Variants in PTPRO observed in about 807,000 individuals in gnomAD.
PTPRO encodes the protein protein tyrosine phosphatase receptor type O.
A neutral mutation model predicts 145.2 loss-of-function variants in PTPRO; 62 were observed. The observed-to-expected ratio is 0.43, with a 90% CI of 0.35 to 0.53. The LOEUF (loss-of-function observed/expected upper bound fraction) is 0.53. PTPRO is among the 20% of genes least tolerant of loss of function. PTPRO has a pLI of 0.01. For synonymous variants in PTPRO, 565 were observed against 514.7 expected (o/e 1.10, Z -1.32); for missense variants, 1,345 against 1,482.7 (o/e 0.91, Z 1.53).
At chr12:15,466,892 G>A (rs1941429376) in intron 1 of PTPRO, among the ~76,000 whole-genome samples, 2 of 152,134 alleles carry the variant, frequency 1.3e-5, no homozygotes, top group African/African-American at 2.4e-5. Flanking sequence ...ATCATCCGTG[G>A]CACAAACCTG....
chr12:15,329,327 T>G (rs1020082336), intron 1 of PTPRO, among the ~76,000 whole-genome samples: 2 of 152,222 alleles, frequency 1.3e-5, no homozygotes, highest in African/African-American at 4.8e-5. Flanking sequence ...TGTCAGAGAA[T>G]TCAAAAGAAT....
Position 15,357,262 on chromosome 12 carries a change from G to T in PTPRO, c.75+34461G>T, listed in dbSNP as rs1257258686. Among the ~76,000 whole-genome samples the T allele has an allele frequency of 2.0e-5, 3 of 152,202 alleles. No homozygotes were observed. The East Asian group carries it at 5.8e-4, about 29-fold the overall frequency. Reference sequence around the variant, plus strand: ...CTGCTACTGTCATTTCCCAGCAACTGATGGCTGCAGGTGATTGTTTCAGAT... The same window carrying T: ...CTGCTACTGTCATTTCCCAGCAACTTATGGCTGCAGGTGATTGTTTCAGAT... On this transcript the variant is annotated intron_variant, in intron 1 of 26. Transcript: ENST00000281171.
At chr12:15,497,972 A>T (rs1375687422) in intron 3 of PTPRO, among the ~76,000 whole-genome samples, 1 of 151,752 alleles carries the variant, frequency 6.6e-6, no homozygotes, top group South Asian at 2.1e-4. Flanking sequence ...AACAAAATCA[A>T]CTTCTCTGGG....
intron 13 of PTPRO, 145 bp from the exon 14 acceptor site, chr12:15,548,949 A>G: frequency 1.1e-6 from 1 of 927,294 alleles, no homozygotes; most frequent in Non-Finnish European, 1.7e-6. Context: ...GAATGGGGAA[A>G]AAAGGAAACA....
intron 12 of PTPRO, among the ~76,000 whole-genome samples, chr12:15,542,656 A>G (rs1298456208): frequency 1.3e-5 from 2 of 152,258 alleles, no homozygotes; most frequent in Non-Finnish European, 2.9e-5. Flanking sequence ...AAAAATTAGT[A>G]AAAAGAAACA....
chr12:15,516,912 A>T lies in PTPRO; in HGVS notation c.1735A>T (p.Thr579Ser). ...NPATMTSEWTTYYEIAATVSL... is the reference protein window; with the variant it reads ...NPATMTSEWTSYYEIAATVSL... The stretch of plus-strand genomic sequence containing the variant: ...TGCTACAATGACATCAGAGTGGACC[A>T]CCTACTATGAAATAGCAGCAACTGT... The change falls in exon 9 of 27, where the codon ACC becomes TCC. Residue 579 changes from threonine to serine, a missense_variant. Physicochemically the swap from Thr to Ser is moderately conservative, Grantham distance 58. Transcript: ENST00000281171. 2 of 1,613,998 alleles carry T rather than the reference A, an allele frequency of 1.2e-6. No homozygotes were observed. The highest frequency in any genetic ancestry group is 1.7e-6 in the Non-Finnish European group (2 of 1,179,846).
rs1944693949 is a variant in PTPRO, at chr12:15,598,086, G to A, written c.*2013G>A. On this transcript the variant is annotated 3_prime_UTR_variant, in exon 27 of 27. Coordinates refer to ENST00000281171, the MANE Select transcript of PTPRO (RefSeq NM_030667.3). ...ATGTTTTTCTTGAGCACCCTTTCAA[G>A]GTAGGGATCAAATAGTGCCAGATCA... Among the ~76,000 whole-genome samples, 1 of 152,148 alleles carries A rather than the reference G, an allele frequency of 6.6e-6. No individual in the cohort carries two copies. The highest frequency in any genetic ancestry group is 6.5e-5 in the Admixed American group (1 of 15,278).
chr12:15,409,874 G>A (rs1362738155), intron 1 of PTPRO, among the ~76,000 whole-genome samples: 1 of 152,174 alleles, frequency 6.6e-6, no homozygotes, highest in Non-Finnish European at 1.5e-5. Flanking sequence ...CTCGCACCAG[G>A]CGCTATCTCC....
intron 17 of PTPRO, among the ~76,000 whole-genome samples, chr12:15,564,691 T>C (rs1049820334): frequency 6.6e-6 from 1 of 152,248 alleles, no homozygotes; most frequent in Non-Finnish European, 1.5e-5. Flanking sequence ...GGTTATTTAC[T>C]ATAGACTGTT....
intron 4 of PTPRO, 54 bp from the exon 5 acceptor site, chr12:15,501,566 T>G: frequency 6.7e-7 from 1 of 1,485,350 alleles, no homozygotes; most frequent in Non-Finnish European, 9.4e-7. Flanking sequence ...AGATTAAGTA[T>G]TCACTCTAAT....
chr12:15,579,967 G>T, intron 20 of PTPRO, 72 bp from the exon 21 acceptor site: 1 of 1,174,308 alleles, frequency 8.5e-7, no homozygotes, highest in Non-Finnish European at 1.3e-6. Flanking sequence ...ACTTAATATT[G>T]GATAGAAAGG....
chr12:15,394,820 G>A (rs1009486063), intron 1 of PTPRO, among the ~76,000 whole-genome samples: 1 of 152,124 alleles, frequency 6.6e-6, no homozygotes, highest in Non-Finnish European at 1.5e-5. Context: ...AGGTACCTAG[G>A]GAATTAACTA....
chr12:15,375,483 T>A (rs976053114), intron 1 of PTPRO, among the ~76,000 whole-genome samples: 12 of 152,064 alleles, frequency 7.9e-5, no homozygotes, highest in Admixed American at 7.2e-4. Context: ...TTAGGTCAGT[T>A]GCTGTGACTC....
chr12:15,543,513 C>T (rs1943219740), intron 12 of PTPRO, among the ~76,000 whole-genome samples: 1 of 152,136 alleles, frequency 6.6e-6, no homozygotes. Context: ...ACAACCTCAG[C>T]GTGTCTGGTC....
chr12:15,360,861 T>TATAC (rs1565585594), intron 1 of PTPRO, among the ~76,000 whole-genome samples: 2 of 128,078 alleles, frequency 1.6e-5, no homozygotes, highest in African/African-American at 2.8e-5. Flanking sequence ...TGTGTGTGTA[T>TATAC]ATATGTGTGT....
intron 1 of PTPRO, among the ~76,000 whole-genome samples, chr12:15,458,563 A>T (rs1121613): frequency 0.84 from 126,971 of 150,992 alleles, 55,945 homozygotes; most frequent in South Asian, 0.97. Flanking sequence ...CTAACTGAAT[A>T]ATTTCTAATG....
intron 10 of PTPRO, among the ~76,000 whole-genome samples, chr12:15,522,188 C>T (rs1942735779): frequency 6.6e-6 from 1 of 150,448 alleles, no homozygotes; most frequent in African/African-American, 2.4e-5. Context: ...AGATTATTGT[C>T]TTTTTTATAC....
At chr12:15,446,159 A>G (rs528349027) in intron 1 of PTPRO, among the ~76,000 whole-genome samples, 12 of 152,244 alleles carry the variant, frequency 7.9e-5, no homozygotes, top group African/African-American at 2.9e-4. Flanking sequence ...AAACAACAAC[A>G]ACAACAAATA....
chr12:15,516,363 A>C (rs1395019953), intron 8 of PTPRO, among the ~76,000 whole-genome samples: 1 of 149,872 alleles, frequency 6.7e-6, no homozygotes, highest in Non-Finnish European at 1.5e-5. Context: ...AAGAAAGAAA[A>C]GAAGAAAGAA....
Sources: gnomAD v4.1 joint callset for allele counts (sites outside exome capture counted in the v4.1 genomes callset) on GRCh38, gnomAD v4.1.1 for gene constraint, MANE v1.5 for transcripts, NCBI Gene and HGNC (gene_info 2026-07-23, HGNC 2026-07-21) for gene names.